Variants in SSU72 observed in about 807,000 individuals in gnomAD.
SSU72 encodes the protein RNA polymerase II subunit A C-terminal domain phosphatase SSU72.
Under a neutral mutation model 22.7 loss-of-function variants are expected in SSU72, and 12 were observed. The observed-to-expected ratio is 0.53, with a 90% CI of 0.34 to 0.86. SSU72 has a LOEUF of 0.86. Among genes scored for constraint, SSU72 ranks in the 40% least tolerant of loss-of-function variants. The probability of loss-of-function intolerance (pLI) is 0.02; values close to 1 mark genes in which losing one functional copy is unlikely to be tolerated. For synonymous variants in SSU72, 116 were observed against 98.3 expected, an observed-to-expected ratio of 1.18 and a Z score of -1.06; for missense variants, 151 against 249.8, an observed-to-expected ratio of 0.60 and a Z score of 2.67.
chr1:1,565,436 G>A (rs949837364), intron 1 of SSU72, among the ~76,000 whole-genome samples: 3 of 152,216 alleles, frequency 2.0e-5, no homozygotes, highest in African/African-American at 7.2e-5. Context: ...GCTTGTTTAA[G>A]GCTTTACTTT....
intron 1 of SSU72, among the ~76,000 whole-genome samples, chr1:1,568,392 G>A (rs1413287362): frequency 6.6e-6 from 1 of 151,858 alleles, no homozygotes; most frequent in Non-Finnish European, 1.5e-5. Context: ...AGGAGTTTGA[G>A]ACCAGCCTGG....
chr1:1,549,288 G>A (rs567203856), intron 2 of SSU72, among the ~76,000 whole-genome samples: 3 of 152,160 alleles, frequency 2.0e-5, no homozygotes, highest in East Asian at 1.9e-4. Context: ...TTGCGAGGCC[G>A]AGGCAGGTGG....
intron 2 of SSU72, chr1:1,561,219 G>T (rs1296079264): frequency 6.6e-6 from 1 of 152,198 alleles, no homozygotes; most frequent in Non-Finnish European, 1.5e-5. Flanking sequence ...CAAGTAGCTG[G>T]GACTACAGGC....
intron 1 of SSU72, among the ~76,000 whole-genome samples, chr1:1,573,896 G>A (rs572011909): frequency 1.3e-5 from 2 of 152,086 alleles, no homozygotes; most frequent in African/African-American, 4.8e-5. Flanking sequence ...TTAGACATAC[G>A]CTACGCAAGA....
chr1:1,544,280 C>T (rs1421609668), intron 3 of SSU72, among the ~76,000 whole-genome samples: 4 of 152,036 alleles, frequency 2.6e-5, no homozygotes, highest in African/African-American at 9.7e-5. Flanking sequence ...TCACTAAAGA[C>T]CAGCCCTCCC....
rs1642333769 is a variant in SSU72 at position 1,542,403 on chromosome 1, G to A, written c.484-236C>T. On this transcript the variant is annotated intron_variant, in intron 4 of 4. Transcript: ENST00000291386. The surrounding 1 kb of genome is among the most constrained non-coding windows in gnomAD (Gnocchi z 4.4). Reference sequence around the variant, plus strand: ...CAGGACCTGAAGCTGGGAGGAGCTGGGAGGAGCCTGGAGCTGGATTCTGAG... The same window carrying A: ...CAGGACCTGAAGCTGGGAGGAGCTGAGAGGAGCCTGGAGCTGGATTCTGAG... Among the ~76,000 whole-genome samples, 1 of 152,174 alleles carries A rather than the reference G, an allele frequency of 6.6e-6. No individual in the cohort carries two copies.
rs960323881 is a variant in SSU72 at position 1,542,845 on chromosome 1, C to A, written c.484-678G>T. On this transcript the variant is annotated intron_variant, in intron 4 of 4. Coordinates refer to ENST00000291386, the MANE Select transcript of SSU72 (RefSeq NM_014188.3). This position sits in a 1 kb window ranked among gnomAD's most constrained non-coding sequence, Gnocchi z 4.4. ...AGGCGATCATGAAGACCGTCCCTGG[C>A]GCTTCAGCAGCCACACTGGACCGTG... Among the ~76,000 whole-genome samples the A allele has an allele frequency of 6.6e-6, 1 of 152,302 alleles. No individual in the cohort carries two copies. Among genetic ancestry groups the A allele is most frequent in the African/African-American group, 2.4e-5 (1 of 41,564 alleles).
intron 3 of SSU72, chr1:1,544,647 A>G: frequency 1.6e-6 from 1 of 615,986 alleles, no homozygotes; most frequent in African/African-American, 1.8e-5. Flanking sequence ...ACCAAGGAGA[A>G]AAGAGGCCCC....
chr1:1,567,787 C>T (rs982057834), intron 1 of SSU72, among the ~76,000 whole-genome samples: 4 of 151,940 alleles, frequency 2.6e-5, no homozygotes, highest in African/African-American at 4.8e-5. Context: ...GTGGCACACG[C>T]CTGTAATCCC....
At position 1,542,030 on chromosome 1, in the gene SSU72, G is replaced by A. The variant is rs201333367; in HGVS notation, c.*36C>T. 4 of 1,544,832 alleles carry A rather than the reference G, an allele frequency of 2.6e-6. No individual in the cohort carries two copies. The African/African-American group carries it at 4.1e-5, about 16-fold the overall frequency. ...CAGGAAGGAAAAAGTATGAACAACA[G>A]GAAGCTCCAGAGGCGGCTCCATGCG... On this transcript the variant is annotated 3_prime_UTR_variant, in exon 5 of 5. Coordinates refer to ENST00000291386, the MANE Select transcript of SSU72 (RefSeq NM_014188.3). This position sits in a 1 kb window ranked among gnomAD's most constrained non-coding sequence, Gnocchi z 4.4.
chr1:1,549,722 C>G (rs1642434016), intron 2 of SSU72, among the ~76,000 whole-genome samples: 1 of 151,900 alleles, frequency 6.6e-6, no homozygotes, highest in African/African-American at 2.4e-5. Context: ...CGCCTGTAAT[C>G]CCAGCACTTT....
intron 2 of SSU72, among the ~76,000 whole-genome samples, chr1:1,559,521 TC>T (rs978542268): frequency 2.0e-5 from 3 of 152,160 alleles, no homozygotes; most frequent in African/African-American, 7.2e-5. Context: ...ACAGTAGAGT[TC>T]CCATTTGTCT....
In SSU72 at chr1:1,554,956, C is replaced by T. The variant is rs1422100064; in HGVS notation, c.224+9817G>A. On this transcript the variant is annotated intron_variant, in intron 2 of 4. Coordinates refer to ENST00000291386, the MANE Select transcript of SSU72 (RefSeq NM_014188.3). This position sits in a 1 kb window ranked among gnomAD's most constrained non-coding sequence, Gnocchi z 4.1. ...AAGTCTCCTGAAGGTGTTGATGCTCCGTGGAAGCCTTGGTCCTTCCCCGGA... is the reference window on the plus strand; with the variant it reads ...AAGTCTCCTGAAGGTGTTGATGCTCTGTGGAAGCCTTGGTCCTTCCCCGGA... Among the ~76,000 whole-genome samples, 2 of 152,002 alleles carry T rather than the reference C, an allele frequency of 1.3e-5. No individual in the cohort carries two copies. The highest frequency in any genetic ancestry group is 1.9e-4 in the East Asian group (1 of 5,180).
chr1:1,544,057 G>C (rs575207957), intron 3 of SSU72, 70 bp from the exon 4 acceptor site: 31 of 1,227,906 alleles, frequency 2.5e-5, no homozygotes, highest in Admixed American at 1.4e-4. Flanking sequence ...ATGTGGCTGA[G>C]TCCCCAGCTC....
At chr1:1,549,279 T>C (rs753148871) in intron 2 of SSU72, among the ~76,000 whole-genome samples, 2 of 151,588 alleles carry the variant, frequency 1.3e-5, no homozygotes, top group African/African-American at 4.8e-5. Context: ...CCCAGAACTT[T>C]GCGAGGCCGA....
At chr1:1,557,812 C>T (rs1642539689) in intron 2 of SSU72, among the ~76,000 whole-genome samples, 1 of 151,912 alleles carries the variant, frequency 6.6e-6, no homozygotes, top group South Asian at 2.1e-4. Flanking sequence ...AAGAAGTCTA[C>T]CACATTTTAC....
chr1:1,574,787 G>T lies in SSU72; in HGVS notation c.-230C>A, dbSNP rs1642791435. On this transcript the variant is annotated 5_prime_UTR_variant, in exon 1 of 5. Transcript: ENST00000291386. Reference sequence around the variant, plus strand: ...CGGGCGCGCTGCACTCGGCGAGGCCGGGGGCGGCCAACGCCGCGCCGGCCC... The same window carrying T: ...CGGGCGCGCTGCACTCGGCGAGGCCTGGGGCGGCCAACGCCGCGCCGGCCC... The T allele has an allele frequency of 4.3e-6, 1 of 231,978 alleles. No individual in the cohort carries two copies. Among genetic ancestry groups the T allele is most frequent in the South Asian group, 5.6e-5 (1 of 17,808 alleles). 14.4% of individuals were successfully genotyped at this position (231,978 alleles called of 1,614,324 possible).
At position 1,554,053 on chromosome 1, in the gene SSU72, G is replaced by A. The variant is rs1404725405; in HGVS notation, c.225-9051C>T. Among the ~76,000 whole-genome samples, 1 of 152,250 alleles carries A rather than the reference G, an allele frequency of 6.6e-6. No individual in the cohort carries two copies. Among genetic ancestry groups the A allele is most frequent in the East Asian group, 1.9e-4 (1 of 5,198 alleles). On this transcript the variant is annotated intron_variant, in intron 2 of 4. Transcript: ENST00000291386. The surrounding 1 kb of genome is among the most constrained non-coding windows in gnomAD (Gnocchi z 4.1). ...CGTCAGGTGGCCACGGAGACCACGT[G>A]TCAGTGGCCAGGGCCTCTAAAGAGA...
At chr1:1,574,050 AAC>A (rs1230725733) in intron 1 of SSU72, among the ~76,000 whole-genome samples, 1 of 151,966 alleles carries the variant, frequency 6.6e-6, no homozygotes, top group Non-Finnish European at 1.5e-5. Context: ...AGAAGTAGCA[AAC>A]ACACAAATCC....
Sources: allele counts gnomAD v4.1 joint callset (sites outside exome capture counted in the v4.1 genomes callset), GRCh38; gene constraint gnomAD v4.1.1; non-coding constraint Gnocchi (gnomAD v3.1); transcripts MANE v1.5; gene names NCBI Gene and HGNC (gene_info 2026-07-23, HGNC 2026-07-21).